Variants in HYCC2 observed in about 807,000 individuals in gnomAD.
HYCC2 encodes the protein hyccin PI4KA lipid kinase complex subunit 2.
the HYCC2 span, among the ~76,000 whole-genome samples, chr2:201,050,004 A>C: frequency 1.3e-5 from 2 of 152,034 alleles, no homozygotes; most frequent in Non-Finnish European, 2.9e-5. Flanking sequence ...CTGGCCTAAA[A>C]CTACATTCCT....
At chr2:200,999,524 T>C in the HYCC2 span, among the ~76,000 whole-genome samples, 1 of 151,810 alleles carries the variant, frequency 6.6e-6, no homozygotes, top group Non-Finnish European at 1.5e-5. Context: ...TAGCTGGGAT[T>C]ACAGGTGCCC....
chr2:201,062,480 T>C, the HYCC2 span, among the ~76,000 whole-genome samples: 5 of 151,912 alleles, frequency 3.3e-5, no homozygotes, highest in African/African-American at 7.2e-5. Flanking sequence ...AACCCCGTCT[T>C]TAATAAAAAT....
the HYCC2 span, among the ~76,000 whole-genome samples, chr2:200,994,571 G>T: frequency 1.3e-5 from 2 of 152,164 alleles, no homozygotes; most frequent in Non-Finnish European, 2.9e-5. Context: ...TTTAAGATAG[G>T]ATGAAAATTT....
chr2:201,051,468 T>TATAG, the HYCC2 span, among the ~76,000 whole-genome samples: 4 of 152,076 alleles, frequency 2.6e-5, no homozygotes, highest in Non-Finnish European at 5.9e-5. Context: ...CAAAAGACTC[T>TATAG]ATAGATTATT....
chr2:201,015,965 C>T, the HYCC2 span, among the ~76,000 whole-genome samples: 1 of 152,156 alleles, frequency 6.6e-6, no homozygotes, highest in Admixed American at 6.6e-5. Flanking sequence ...GAGTTTCTCT[C>T]TAAAATCCTC....
At chr2:201,050,666 G>C in the HYCC2 span, among the ~76,000 whole-genome samples, 1 of 151,982 alleles carries the variant, frequency 6.6e-6, no homozygotes, top group African/African-American at 2.4e-5. Context: ...AGACACAGTG[G>C]CTCATGTCTA....
the HYCC2 span, among the ~76,000 whole-genome samples, chr2:200,994,598 C>T: frequency 6.6e-6 from 1 of 152,122 alleles, no homozygotes; most frequent in South Asian, 2.1e-4. Flanking sequence ...GTCAACTTAA[C>T]AATGTACAAG....
chr2:201,055,817 T>TC, the HYCC2 span, among the ~76,000 whole-genome samples: 2 of 152,226 alleles, frequency 1.3e-5, no homozygotes, highest in African/African-American at 4.8e-5. Flanking sequence ...TCCTAGCTAC[T>TC]CGGGTGGCTG....
chr2:201,043,540 A>G, the HYCC2 span, among the ~76,000 whole-genome samples: 1 of 145,188 alleles, frequency 6.9e-6, no homozygotes, highest in East Asian at 2.0e-4. Context: ...ACAGAGTCTC[A>G]CTCTGTTGCC....
At chr2:200,985,175 T>C in the HYCC2 span, among the ~76,000 whole-genome samples, 1 of 152,114 alleles carries the variant, frequency 6.6e-6, no homozygotes, top group Non-Finnish European at 1.5e-5. Context: ...TCCTTTGTAA[T>C]TTTCTCCAAA....
At chr2:201,043,982 A>C in the HYCC2 span, among the ~76,000 whole-genome samples, 1 of 152,096 alleles carries the variant, frequency 6.6e-6, no homozygotes, top group Non-Finnish European at 1.5e-5. Context: ...AGCCTCCTGA[A>C]TAGCTGAGAT....
At chr2:201,066,325 C>T in the HYCC2 span, among the ~76,000 whole-genome samples, 8 of 152,188 alleles carry the variant, frequency 5.3e-5, no homozygotes, top group African/African-American at 1.7e-4. Flanking sequence ...CTGCTCACCT[C>T]GGCCTCCCGA....
the HYCC2 span, among the ~76,000 whole-genome samples, chr2:201,033,715 G>A: frequency 2.7e-5 from 4 of 149,818 alleles, no homozygotes; most frequent in Admixed American, 6.6e-5. Flanking sequence ...AATTTTTTTT[G>A]TTGTATATAG....
chr2:200,989,310 A>T, the HYCC2 span, among the ~76,000 whole-genome samples: 2 of 152,320 alleles, frequency 1.3e-5, no homozygotes. Flanking sequence ...TGTTGAAAGG[A>T]TAAACTATTA....
the HYCC2 span, among the ~76,000 whole-genome samples, chr2:200,982,782 AGTCTTGCTCT>A: frequency 1.9e-3 from 284 of 152,266 alleles, 3 homozygotes; most frequent in African/African-American, 6.4e-3. Flanking sequence ...TTTTTGAGAC[AGTCTTGCTCT>A]GTCACCCAGA....
the HYCC2 span, among the ~76,000 whole-genome samples, chr2:201,031,273 T>C: frequency 6.6e-6 from 1 of 152,146 alleles, no homozygotes; most frequent in Non-Finnish European, 1.5e-5. Context: ...CATTTATTAA[T>C]ATATAAGACT....
the HYCC2 span, among the ~76,000 whole-genome samples, chr2:201,042,780 G>A: frequency 6.6e-6 from 1 of 150,918 alleles, no homozygotes; most frequent in African/African-American, 2.4e-5. Flanking sequence ...TGGGAGGTGG[G>A]GGGCGCCTCT....
At chr2:201,049,904 T>C in the HYCC2 span, among the ~76,000 whole-genome samples, 1 of 152,000 alleles carries the variant, frequency 6.6e-6, no homozygotes, top group East Asian at 1.9e-4. Context: ...CTCACCATAT[T>C]GCCCAGGCAG....
the HYCC2 span, among the ~76,000 whole-genome samples, chr2:201,047,727 T>C: frequency 6.6e-6 from 1 of 151,264 alleles, no homozygotes; most frequent in South Asian, 2.1e-4. Context: ...AGAGTTGCTC[T>C]TCAAAAAACA....
Sources: allele counts gnomAD v4.1 joint callset (sites outside exome capture counted in the v4.1 genomes callset), GRCh38; gene constraint gnomAD v4.1.1; transcripts MANE v1.5; gene names NCBI Gene and HGNC (gene_info 2026-07-23, HGNC 2026-07-21).